The following IQCM variants were observed in gnomAD, a reference collection of about 807,000 sequenced individuals.
The protein encoded by IQCM is IQ domain-containing protein M.
A neutral mutation model predicts 57.6 loss-of-function variants in IQCM; 45 were observed. The observed-to-expected ratio is 0.78, with a 90% CI of 0.62 to 1.00. The LOEUF (loss-of-function observed/expected upper bound fraction) is 1.00, where lower values mean the gene tolerates loss of function less well. Among genes scored for constraint, IQCM ranks in the 50% least tolerant of loss-of-function variants. The probability of loss-of-function intolerance (pLI) is 0.00; values close to 1 mark genes in which losing one functional copy is unlikely to be tolerated. For missense variants in IQCM, 468 were observed against 511.6 expected, an observed-to-expected ratio of 0.91 and a Z score of 0.82; for synonymous variants, 148 against 158.9, an observed-to-expected ratio of 0.93 and a Z score of 0.51.
At chr4:149,798,787 G>T (rs958967206) in intron 2 of IQCM, among the ~76,000 whole-genome samples, 1 of 151,772 alleles carries the variant, frequency 6.6e-6, no homozygotes, top group African/African-American at 2.4e-5. Flanking sequence ...TTCAGCAAGA[G>T]GGTGCATATA....
intron 12 of IQCM, among the ~76,000 whole-genome samples, chr4:149,473,335 C>A (rs190025185): frequency 1.3e-3 from 204 of 152,182 alleles, no homozygotes; most frequent in Middle Eastern, 3.4e-3. Context: ...GACACTTCTC[C>A]AAAGAAGACA....
At chr4:149,762,967 A>G (rs781743267) in intron 2 of IQCM, among the ~76,000 whole-genome samples, 2 of 152,118 alleles carry the variant, frequency 1.3e-5, no homozygotes, top group African/African-American at 2.4e-5. Flanking sequence ...GTAAATATGT[A>G]TTGAGAATTG....
chr4:149,758,692 T>C (rs777898313), intron 2 of IQCM, among the ~76,000 whole-genome samples: 7 of 149,560 alleles, frequency 4.7e-5, no homozygotes, highest in Non-Finnish European at 7.5e-5. Flanking sequence ...CACCAAAGAA[T>C]ATAAATGAAA....
intron 2 of IQCM, among the ~76,000 whole-genome samples, chr4:149,795,179 A>G (rs1184252830): frequency 6.6e-6 from 1 of 152,216 alleles, no homozygotes; most frequent in Non-Finnish European, 1.5e-5. Flanking sequence ...CATAGAGGTC[A>G]GAAAAGTGAT....
intron 12 of IQCM, among the ~76,000 whole-genome samples, chr4:149,513,746 T>A (rs1744660106): frequency 6.6e-6 from 1 of 152,102 alleles, no homozygotes; most frequent in Non-Finnish European, 1.5e-5. Flanking sequence ...TAGGTTGAAG[T>A]ATAATCACAA....
intron 12 of IQCM, among the ~76,000 whole-genome samples, chr4:149,467,656 G>T (rs916833553): frequency 7.9e-5 from 12 of 152,218 alleles, no homozygotes; most frequent in South Asian, 4.1e-4. Context: ...TCAAGGTCTT[G>T]CTATACCAGT....
At chr4:149,610,786 A>C (rs1272798239) in intron 8 of IQCM, among the ~76,000 whole-genome samples, 7 of 152,102 alleles carry the variant, frequency 4.6e-5, no homozygotes, top group African/African-American at 1.7e-4. Context: ...ACATTGGGTA[A>C]ACACTCTAGG....
At chr4:149,387,124 G>C (rs937120815) in intron 13 of IQCM, among the ~76,000 whole-genome samples, 2 of 151,930 alleles carry the variant, frequency 1.3e-5, no homozygotes, top group Non-Finnish European at 2.9e-5. Flanking sequence ...GTTCAACACG[G>C]GGAAGTCCAA....
At chr4:149,648,361 C>G (rs1758833497) in intron 7 of IQCM, among the ~76,000 whole-genome samples, 1 of 152,148 alleles carries the variant, frequency 6.6e-6, no homozygotes, top group South Asian at 2.1e-4. Context: ...CATGTCCCTA[C>G]AAAGGACATG....
chr4:149,386,954 T>A (rs2111063117), intron 13 of IQCM, among the ~76,000 whole-genome samples: 1 of 152,186 alleles, frequency 6.6e-6, no homozygotes, highest in Non-Finnish European at 1.5e-5. Flanking sequence ...GCTGTATATT[T>A]CATATAGCAC....
rs538827124 is a variant in IQCM, at chr4:149,436,579, A to C, written c.1229-3022T>G. On this transcript the variant is annotated intron_variant, in intron 12 of 13. Transcript: ENST00000636793. ...CATAATTGCATTGTTAACTAAAAAT[A>C]AACATTTTCTCATTTCAAAAGGCAT... Among the ~76,000 whole-genome samples, 67 of 152,270 alleles carry C rather than the reference A, an allele frequency of 4.4e-4. 2 individuals carry two copies. Among genetic ancestry groups the C allele is most frequent in the African/African-American group, 1.5e-3 (63 of 41,572 alleles).
chr4:149,724,888 T>C (rs2149865509), intron 5 of IQCM, among the ~76,000 whole-genome samples: 1 of 152,118 alleles, frequency 6.6e-6, no homozygotes, highest in East Asian at 1.9e-4. Flanking sequence ...ATTTCTAATT[T>C]CTAATAGTCA....
intron 13 of IQCM, among the ~76,000 whole-genome samples, chr4:149,407,330 A>T (rs970269640): frequency 7.2e-5 from 11 of 152,150 alleles, no homozygotes; most frequent in African/African-American, 2.7e-4. Flanking sequence ...ATTTTTAAAC[A>T]AATTTTTATG....
chr4:149,638,925 TGGCAAAAA>T (rs1757950109), intron 7 of IQCM, among the ~76,000 whole-genome samples: 1 of 36,160 alleles, frequency 2.8e-5, no homozygotes, highest in African/African-American at 1.7e-4. Flanking sequence ...AGTCCTAAAC[TGGCAAAAA>T]GTTTTGCCTG....
chr4:149,674,863 G>A (rs971814919), intron 7 of IQCM, among the ~76,000 whole-genome samples: 2 of 152,008 alleles, frequency 1.3e-5, no homozygotes, highest in African/African-American at 2.4e-5. Flanking sequence ...GTGTTGTTTA[G>A]CTAGAGAAGA....
intron 11 of IQCM, among the ~76,000 whole-genome samples, chr4:149,549,454 C>T (rs1421015811): frequency 6.6e-6 from 1 of 151,618 alleles, no homozygotes; most frequent in African/African-American, 2.4e-5. Context: ...GGAGGCGGAA[C>T]TTGCAGTGAG....
At chr4:149,704,394 T>G (rs1446606100) in intron 5 of IQCM, among the ~76,000 whole-genome samples, 1 of 151,904 alleles carries the variant, frequency 6.6e-6, no homozygotes, top group Non-Finnish European at 1.5e-5. Flanking sequence ...AATAAAGCTT[T>G]ATTGGTACAC....
At chr4:149,673,700 A>C (rs1300907403) in intron 7 of IQCM, among the ~76,000 whole-genome samples, 1 of 152,188 alleles carries the variant, frequency 6.6e-6, no homozygotes, top group East Asian at 1.9e-4. Flanking sequence ...CACTGTCAAC[A>C]TTAGACAGAT....
intron 2 of IQCM, among the ~76,000 whole-genome samples, chr4:149,811,834 C>A (rs993914177): frequency 1.3e-5 from 2 of 152,184 alleles, no homozygotes; most frequent in Non-Finnish European, 2.9e-5. Context: ...AATTGATTAA[C>A]AGACTACTTA....
Sources: gnomAD v4.1 joint callset for allele counts (sites outside exome capture counted in the v4.1 genomes callset) on GRCh38, gnomAD v4.1.1 for gene constraint, MANE v1.5 for transcripts, NCBI Gene and HGNC (gene_info 2026-07-23, HGNC 2026-07-21) for gene names.